ADGRB3: variants seen among roughly 807,000 people sequenced by gnomAD.
The protein encoded by ADGRB3 is adhesion G protein-coupled receptor B3, also known as brain-specific angiogenesis inhibitor 3.
Under a neutral mutation model 193.4 loss-of-function variants are expected in ADGRB3, and 37 were observed. That is an observed-to-expected ratio of 0.19 (90% CI 0.15 to 0.25). ADGRB3 has a LOEUF of 0.25. ADGRB3 is among the 10% of genes least tolerant of loss of function. The pLI is 1.00. For missense variants in ADGRB3, 1,637 were observed against 1,852.9 expected, an observed-to-expected ratio of 0.88 and a Z score of 2.14; for synonymous variants, 690 against 644.2, an observed-to-expected ratio of 1.07 and a Z score of -1.08.
At chr6:69,217,852 G>A (rs1467918611) in intron 17 of ADGRB3, among the ~76,000 whole-genome samples, 1 of 151,996 alleles carries the variant, frequency 6.6e-6, no homozygotes, top group Non-Finnish European at 1.5e-5. Flanking sequence ...AGAATTAACA[G>A]TAATGTAACT....
chr6:69,064,171 T>C (rs1016641475), intron 16 of ADGRB3, among the ~76,000 whole-genome samples: 1 of 152,026 alleles, frequency 6.6e-6, no homozygotes, highest in Admixed American at 6.6e-5. Flanking sequence ...TCACCTTTTC[T>C]GTGAATCACT....
At chr6:69,114,918 T>A (rs1005505475) in intron 17 of ADGRB3, among the ~76,000 whole-genome samples, 1 of 152,222 alleles carries the variant, frequency 6.6e-6, no homozygotes, top group African/African-American at 2.4e-5. Flanking sequence ...CCAGTTAGAA[T>A]GGCGATCATT....
At chr6:69,044,700 G>A (rs1021088985) in intron 13 of ADGRB3, among the ~76,000 whole-genome samples, 1 of 152,240 alleles carries the variant, frequency 6.6e-6, no homozygotes, top group African/African-American at 2.4e-5. Context: ...TTTCTCTAAG[G>A]TTTATCAGTG....
At chr6:69,070,665 A>T (rs1477943307) in intron 16 of ADGRB3, among the ~76,000 whole-genome samples, 1 of 152,228 alleles carries the variant, frequency 6.6e-6, no homozygotes, top group East Asian at 1.9e-4. Flanking sequence ...ATTAAAATGC[A>T]GATTTCTAGG....
intron 8 of ADGRB3, among the ~76,000 whole-genome samples, chr6:68,972,417 C>T (rs1290981245): frequency 6.6e-6 from 1 of 152,020 alleles, no homozygotes; most frequent in Non-Finnish European, 1.5e-5. Context: ...GCCAGGCTCC[C>T]GAATGGGGAG....
At chr6:68,657,188 T>G (rs1768509617) in intron 3 of ADGRB3, among the ~76,000 whole-genome samples, 1 of 151,268 alleles carries the variant, frequency 6.6e-6, no homozygotes, top group African/African-American at 2.4e-5. Context: ...AAGTCAAGAG[T>G]TAGCATTAAA....
chr6:68,705,110 T>A (rs2127311792), intron 3 of ADGRB3, among the ~76,000 whole-genome samples: 1 of 152,356 alleles, frequency 6.6e-6, no homozygotes, highest in Non-Finnish European at 1.5e-5. Context: ...CCAGCTACTA[T>A]TTATTATTAG....
intron 17 of ADGRB3, among the ~76,000 whole-genome samples, chr6:69,221,420 T>C (rs1765891148): frequency 6.6e-6 from 1 of 152,110 alleles, no homozygotes; most frequent in Non-Finnish European, 1.5e-5. Context: ...TACTCTCTGG[T>C]GTAGTTGCCA....
At chr6:68,788,763 C>A (rs1278766897) in intron 3 of ADGRB3, among the ~76,000 whole-genome samples, 3 of 152,160 alleles carry the variant, frequency 2.0e-5, no homozygotes, top group Non-Finnish European at 4.4e-5. Flanking sequence ...GTGTTAAAGT[C>A]TCCCATTATT....
intron 10 of ADGRB3, among the ~76,000 whole-genome samples, chr6:68,977,302 G>A (rs1768779487): frequency 6.6e-6 from 1 of 151,590 alleles, no homozygotes; most frequent in Admixed American, 6.6e-5. Context: ...AATTTTAATG[G>A]ATTTTTTTTT....
At chr6:68,993,437 T>A (rs1769295630) in intron 10 of ADGRB3, among the ~76,000 whole-genome samples, 1 of 152,178 alleles carries the variant, frequency 6.6e-6, no homozygotes, top group Non-Finnish European at 1.5e-5. Flanking sequence ...GTCCCCCATG[T>A]TTACCACATG....
intron 3 of ADGRB3, among the ~76,000 whole-genome samples, chr6:68,709,160 A>ATGTT (rs1425747542): frequency 1.3e-5 from 2 of 152,192 alleles, no homozygotes; most frequent in Non-Finnish European, 2.9e-5. Context: ...AGCAAATGAG[A>ATGTT]TGTTATTGCA....
intron 8 of ADGRB3, among the ~76,000 whole-genome samples, chr6:68,959,032 A>G (rs1768160260): frequency 6.6e-6 from 1 of 152,084 alleles, no homozygotes; most frequent in African/African-American, 2.4e-5. Flanking sequence ...GCTTTCTTAG[A>G]GAATTTTTTT....
At chr6:68,770,284 A>C (rs570219922) in intron 3 of ADGRB3, among the ~76,000 whole-genome samples, 1 of 152,232 alleles carries the variant, frequency 6.6e-6, no homozygotes, top group African/African-American at 2.4e-5. Context: ...GGTAATGTAC[A>C]TCTCTGTCTT....
At chr6:68,871,628 C>T (rs1234567686) in intron 3 of ADGRB3, among the ~76,000 whole-genome samples, 1 of 152,020 alleles carries the variant, frequency 6.6e-6, no homozygotes, top group Non-Finnish European at 1.5e-5. Context: ...GACTTGACTC[C>T]CTGCACCAAC....
rs148249767 is a variant in ADGRB3, at chr6:68,764,549, G to A, written c.757+125117G>A. ...AAAACCAGAATCATAAATAAAGACC[G>A]GATTATCAAGAGGAACCACAAAAGC... On this transcript the variant is annotated intron_variant, in intron 3 of 31. Transcript: ENST00000370598. 2.3e-3 allele frequency among the ~76,000 whole-genome samples: 353 copies of A among 152,000 alleles called. 1 individual carries two copies. The highest frequency in any genetic ancestry group is 8.1e-3 in the African/African-American group (336 of 41,452).
chr6:69,279,971 A>G (rs979810448), intron 20 of ADGRB3, among the ~76,000 whole-genome samples: 2 of 152,168 alleles, frequency 1.3e-5, no homozygotes, highest in Admixed American at 6.5e-5. Flanking sequence ...CAGCTGCTGT[A>G]GTCAGTCATA....
chr6:68,772,878 CAAACAAAAA>C (rs368404089), intron 3 of ADGRB3, among the ~76,000 whole-genome samples: 12 of 15,700 alleles, frequency 7.6e-4, no homozygotes, highest in Admixed American at 2.6e-3. Flanking sequence ...AACAAACAAA[CAAACAAAAA>C]AAAAAAAATA....
intron 3 of ADGRB3, among the ~76,000 whole-genome samples, chr6:68,799,523 T>G (rs756912812): frequency 1.3e-4 from 20 of 152,218 alleles, no homozygotes; most frequent in Non-Finnish European, 2.6e-4. Flanking sequence ...AAAATGTTAT[T>G]ATTTACTATA....
Sources: allele counts gnomAD v4.1 joint callset (sites outside exome capture counted in the v4.1 genomes callset), GRCh38; gene constraint gnomAD v4.1.1; transcripts MANE v1.5; gene names NCBI Gene and HGNC (gene_info 2026-07-23, HGNC 2026-07-21).